Variants in FGF8 observed in about 807,000 individuals in gnomAD.
The protein encoded by FGF8 is fibroblast growth factor 8, also known as androgen-induced growth factor.
FGF8 carries 12 observed loss-of-function variants against 29.7 expected under a neutral mutation model. The ratio of observed to expected loss-of-function variants is 0.40; its 90% CI spans 0.26 to 0.65. FGF8 has a LOEUF of 0.65. Ranked by LOEUF, FGF8 falls within the 30% of genes least tolerant of loss-of-function variation. The pLI, the probability that FGF8 is intolerant of heterozygous loss-of-function variation, is 0.37. For missense variants in FGF8, 271 were observed against 345.1 expected (o/e 0.79, Z 1.70); for synonymous variants, 157 against 144.4 (o/e 1.09, Z -0.63).
chr10:101,773,731 TAAA>T (rs554135437), intron 4 of FGF8, among the ~76,000 whole-genome samples: 1 of 152,144 alleles, frequency 6.6e-6, no homozygotes, highest in Admixed American at 6.5e-5. Context: ...CAGGAAATGT[TAAA>T]AAAGGTGAAA....
rs1190034193 is a variant in FGF8 at position 101,770,282 on chromosome 10, G to A, written c.*47C>T. On this transcript the variant is annotated 3_prime_UTR_variant, in exon 6 of 6. Coordinates refer to ENST00000320185, the MANE Select transcript of FGF8 (RefSeq NM_033163.5). ...TGCTTGAGTTTTGGGTGCCCTACAG[G>A]ATGAGCCTCTCTGCGGTCTGGCATT... 8 of 1,528,648 alleles carry A rather than the reference G, an allele frequency of 5.2e-6. No individual in the cohort carries two copies. Among genetic ancestry groups the A allele is most frequent in the Admixed American group, 2.0e-5 (1 of 50,382 alleles). The allele number at this position is 1,528,648 out of a possible 1,614,324, so 94.7% of individuals were successfully genotyped here. A position where few individuals can be genotyped will look rare whatever the true frequency, so the allele number is the denominator to read the frequency against.
chr10:101,775,726 G>C lies in FGF8; in HGVS notation c.69+14C>G, dbSNP rs915937495. 6.5e-7 allele frequency: 1 copy of C among 1,543,380 alleles called. No homozygotes were observed. The highest frequency in any genetic ancestry group is 8.7e-7 in the Non-Finnish European group (1 of 1,145,266). ...CGGCGCGCCCGGCCCCCGCCTCCGC[G>C]CACCCCTCCTCACCTGGGCTTGGAG... On this transcript the variant is annotated intron_variant, in intron 2 of 5. Transcript: ENST00000320185. This position sits in a 1 kb window ranked among gnomAD's most constrained non-coding sequence, Gnocchi z 4.6.
chr10:101,772,981 G>A lies in FGF8; in HGVS notation c.338-1412C>T, dbSNP rs2134995214. ...GAGGAGTGAGAGGATGCCACTCTGG[G>A]GATTCTGGCCAGATGCGGCAGGCAG... On this transcript the variant is annotated intron_variant, in intron 4 of 5. Coordinates refer to ENST00000320185, the MANE Select transcript of FGF8 (RefSeq NM_033163.5). The surrounding 1 kb of genome is among the most constrained non-coding windows in gnomAD (Gnocchi z 4.4). Among the ~76,000 whole-genome samples, 1 of 152,212 alleles carries A rather than the reference G, an allele frequency of 6.6e-6. No individual in the cohort carries two copies. The highest frequency in any genetic ancestry group is 1.9e-4 in the East Asian group (1 of 5,206).
chr10:101,771,637 C>A lies in FGF8; in HGVS notation c.338-68G>T, dbSNP rs1209550655. On this transcript the variant is annotated intron_variant, in intron 4 of 5. Transcript: ENST00000320185. The surrounding 1 kb of genome is among the most constrained non-coding windows in gnomAD (Gnocchi z 5.3). ...CCCCAGCTGGCCCACACACTTGTCA[C>A]AGCCCAGCAGCAACTGCTCCAAAGA... The A allele has an allele frequency of 1.6e-6, 2 of 1,245,676 alleles. No homozygotes were observed. The highest frequency in any genetic ancestry group is 2.3e-6 in the Non-Finnish European group (2 of 851,306). The allele number at this position is 1,245,676 out of a possible 1,614,324, so 77.2% of individuals were successfully genotyped here.
rs569102116 is a variant in FGF8 at position 101,774,716 on chromosome 10, C to T, written c.337+16G>A. The stretch of plus-strand genomic sequence containing the variant: ...AGGCGCCGCGCATCCCACAAGCTAC[C>T]TTCAGCGCGCCTTACCGAAGGGGTC... On this transcript the variant is annotated intron_variant, in intron 4 of 5. Coordinates refer to ENST00000320185, the MANE Select transcript of FGF8 (RefSeq NM_033163.5). 110 of 1,600,426 alleles carry T rather than the reference C, an allele frequency of 6.9e-5. No individual in the cohort carries two copies. The highest frequency in any genetic ancestry group is 9.2e-5 in the Non-Finnish European group (108 of 1,179,000).
chr10:101,775,193 C>T lies in FGF8; in HGVS notation c.93G>A (p.Ala31=), dbSNP rs772729821. 99 of 1,547,762 alleles carry T rather than the reference C, an allele frequency of 6.4e-5. No homozygotes were observed. Among genetic ancestry groups the T allele is most frequent in the East Asian group, 4.6e-4 (19 of 40,916 alleles). The change falls in exon 3 of 6, where the codon GCG becomes GCA. Residue 31 remains alanine, a synonymous_variant. Coordinates refer to ENST00000320185, the MANE Select transcript of FGF8 (RefSeq NM_033163.5). This position sits in a 1 kb window ranked among gnomAD's most constrained non-coding sequence, Gnocchi z 4.6. ...ACAGGGAAGCGAGCTCCCTGCCCAG[C>T]GCAGGGCCCCTGCCCGGGCCTTCCT... ...QAQEGPGRGP[A]LGRELASLFR...
Position 101,775,909 on chromosome 10 carries a change from G to T in FGF8, c.-9C>A. ...GAGCGGGGGCTGCCCATGGCGCGCG[G>T]CCCCGGGGCACCGAGAGCCCGGCGG... On this transcript the variant is annotated 5_prime_UTR_variant, in exon 1 of 6. Coordinates refer to ENST00000320185, the MANE Select transcript of FGF8 (RefSeq NM_033163.5). This position sits in a 1 kb window ranked among gnomAD's most constrained non-coding sequence, Gnocchi z 4.6. 1.1e-5 allele frequency: 14 copies of T among 1,243,108 alleles called. No homozygotes were observed. The highest frequency in any genetic ancestry group is 1.3e-5 in the Non-Finnish European group (13 of 998,746). The allele number at this position is 1,243,108 out of a possible 1,614,324, so 77.0% of individuals were successfully genotyped here.
At chr10:101,770,914 C>G (rs2065015059) in intron 5 of FGF8, among the ~76,000 whole-genome samples, 1 of 152,122 alleles carries the variant, frequency 6.6e-6, no homozygotes, top group South Asian at 2.1e-4. Context: ...TCCTGCCCAC[C>G]AGTCTGGCCA....
chr10:101,779,746 G>T (rs899466148), upstream of FGF8, among the ~76,000 whole-genome samples: 1 of 152,148 alleles, frequency 6.6e-6, no homozygotes, highest in African/African-American at 2.4e-5. The surrounding 1 kb of genome is among the most constrained non-coding windows in gnomAD (Gnocchi z 5.7). Context: ...CAGGAGAGAG[G>T]ACTCAGCCAG....
Position 101,770,527 on chromosome 10 carries a change from G to A in FGF8, c.537C>T (p.Tyr179=). 6.2e-7 allele frequency: 1 copy of A among 1,613,650 alleles called. No homozygotes were observed. Among genetic ancestry groups the A allele is most frequent in the Non-Finnish European group, 8.5e-7 (1 of 1,179,978 alleles). Residue 179 remains tyrosine, a synonymous_variant, in exon 6 of 6, where the codon TAC becomes TAT. Transcript: ENST00000320185. ...GCCGGCCCTTGCGGGTGAAGGCCAT[G>A]TACCAGCCCTCGTACTTGGCATTCT... ...ALQNAKYEGW[Y]MAFTRKGRPR... is the part of the protein sequence containing the mutation.
intron 4 of FGF8, 63 bp downstream of exon 4, chr10:101,774,669 G>T: frequency 7.0e-7 from 1 of 1,422,788 alleles, no homozygotes; most frequent in Non-Finnish European, 9.8e-7. Flanking sequence ...CCCCCGGCCA[G>T]TGCAGTTGGG....
intron 5 of FGF8, 58 bp from the exon 6 acceptor site, chr10:101,770,677 C>T (rs1014188813): frequency 2.2e-5 from 35 of 1,586,026 alleles, no homozygotes; most frequent in Non-Finnish European, 1.4e-5. Context: ...AGGCAGAGGG[C>T]GAGCGGCCCC....
upstream of FGF8, among the ~76,000 whole-genome samples, chr10:101,779,924 C>T (rs982579022): frequency 6.6e-6 from 1 of 152,252 alleles, no homozygotes; most frequent in East Asian, 1.9e-4. This position sits in a 1 kb window ranked among gnomAD's most constrained non-coding sequence, Gnocchi z 5.7. Context: ...CAGTGGCATT[C>T]CCCCGCCTTC....
At position 101,774,922 on chromosome 10, in the gene FGF8, A is replaced by G. The variant is rs1163301286; in HGVS notation, c.157-10T>C. ...AGGACTGAACAGTTACCTTTAGGAA[A>G]TTGAAAAATACACAATACACCATTA... On this transcript the variant is annotated splice_polypyrimidine_tract_variant and intron_variant, in intron 3 of 5. Transcript: ENST00000320185. 1 of 1,613,674 alleles carries G rather than the reference A, an allele frequency of 6.2e-7. No homozygotes were observed. Among genetic ancestry groups the G allele is most frequent in the Non-Finnish European group, 8.5e-7 (1 of 1,179,776 alleles).
At chr10:101,776,854 CCACACACACA>C (rs71016347), upstream of FGF8, among the ~76,000 whole-genome samples, 72 of 123,976 alleles carry the variant, frequency 5.8e-4, no homozygotes, top group African/African-American at 1.8e-3. Flanking sequence ...GTGCCCCTCA[CCACACACACA>C]CACACACACA....
At position 101,771,613 on chromosome 10, in the gene FGF8, C is replaced by A; in HGVS notation, c.338-44G>T. 18 of 1,487,242 alleles carry A rather than the reference C, an allele frequency of 1.2e-5. No individual in the cohort carries two copies. The highest frequency in any genetic ancestry group is 1.6e-5 in the Non-Finnish European group (17 of 1,066,154). 92.1% of individuals were successfully genotyped at this position (1,487,242 alleles called of 1,614,324 possible). A position where few individuals can be genotyped will look rare whatever the true frequency, so the allele number is the denominator to read the frequency against. On this transcript the variant is annotated intron_variant, in intron 4 of 5. Transcript: ENST00000320185. This position sits in a 1 kb window ranked among gnomAD's most constrained non-coding sequence, Gnocchi z 5.3. ...GGATGGCTATTGGCAGATCCCTGACCCCAGCTGGCCCACACACTTGTCACA... is the reference window on the plus strand; with the variant it reads ...GGATGGCTATTGGCAGATCCCTGACACCAGCTGGCCCACACACTTGTCACA...
At chr10:101,777,686 C>G (rs137991233), upstream of FGF8, among the ~76,000 whole-genome samples, 2 of 152,372 alleles carry the variant, frequency 1.3e-5, no homozygotes, top group East Asian at 3.9e-4. Flanking sequence ...CCACAAGGAC[C>G]ATGTCTTATG....
chr10:101,778,833 G>GCTCC (rs2065117529), upstream of FGF8, among the ~76,000 whole-genome samples: 1 of 152,098 alleles, frequency 6.6e-6, no homozygotes, highest in Non-Finnish European at 1.5e-5. Flanking sequence ...CTCCCGGCCA[G>GCTCC]CTCCCTCCCT....
At chr10:101,774,170 C>T (rs1199268183) in intron 4 of FGF8, among the ~76,000 whole-genome samples, 4 of 152,214 alleles carry the variant, frequency 2.6e-5, no homozygotes, top group Admixed American at 1.3e-4. Context: ...CCGGCAGTAG[C>T]TCTCCGCACT....
Sources: gnomAD v4.1 joint callset for allele counts (sites outside exome capture counted in the v4.1 genomes callset) on GRCh38, gnomAD v4.1.1 for gene constraint, Gnocchi (gnomAD v3.1) non-coding constraint, MANE v1.5 for transcripts, NCBI Gene and HGNC (gene_info 2026-07-23, HGNC 2026-07-21) for gene names.